The following UGT2B11 variants were observed in gnomAD, a reference collection of about 807,000 sequenced individuals.
UGT2B11 encodes the protein UDP-glucuronosyltransferase 2B11.
UGT2B11 carries 49 observed loss-of-function variants against 51.7 expected under a neutral mutation model. That is an observed-to-expected ratio of 0.95 (90% CI 0.75 to 1.20). The LOEUF is 1.20. Ranked by LOEUF, UGT2B11 falls within the 50% of genes most tolerant of loss-of-function variation. The pLI, the probability that UGT2B11 is intolerant of heterozygous loss-of-function variation, is 0.00. For synonymous variants in UGT2B11, 273 were observed against 209.0 expected (o/e 1.31, Z -2.64); for missense variants, 810 against 622.1 (o/e 1.30, Z -3.21).
chr4:69,201,945 A>T (rs1174231859), intron 5 of UGT2B11, among the ~76,000 whole-genome samples: 1 of 151,800 alleles, frequency 6.6e-6, no homozygotes, highest in Non-Finnish European at 1.5e-5. Context: ...AGCTATCACA[A>T]CCTGCCTACA....
upstream of UGT2B11, chr4:69,214,761 C>T (rs1206589933): frequency 1.3e-6 from 2 of 1,593,240 alleles, no homozygotes; most frequent in African/African-American, 1.4e-5. Context: ...GTCACTGTTT[C>T]TTTCTCATAC....
upstream of UGT2B11, chr4:69,216,737 A>G (rs930546007): frequency 2.6e-5 from 4 of 151,968 alleles, no homozygotes; most frequent in African/African-American, 9.7e-5. Context: ...GAGGTTTTGG[A>G]AAGCAAGTGA....
chr4:69,208,372 G>C lies in UGT2B11; in HGVS notation c.981C>G (p.Ala327=), dbSNP rs1721935547. The change falls in exon 3 of 6, where the codon GCC becomes GCG. Residue 327 remains alanine (A), a synonymous_variant. Coordinates refer to ENST00000446444, the MANE Select transcript of UGT2B11 (RefSeq NM_001073.3). The stretch of plus-strand genomic sequence containing the variant: ...TTACCTTTTGTGGGATCTTGGCAAG[G>C]GCTGTTGCAATTACATTGGCCCTTT... ...TAERANVIAT[A]LAKIPQKVLW... is the part of the protein sequence containing the mutation. The C allele has an allele frequency of 2.5e-6, 4 of 1,610,948 alleles. No individual in the cohort carries two copies. In the African/African-American group the frequency reaches 5.4e-5, roughly 22 times the overall value.
chr4:69,221,904 T>G, the UGT2B11 span, among the ~76,000 whole-genome samples: 122,438 of 152,152 alleles, frequency 0.8, 49,334 homozygotes, highest in Non-Finnish European at 0.82. Flanking sequence ...GGTCCAGAGG[T>G]CCTTCATCCT....
chr4:69,221,141 C>T, the UGT2B11 span, among the ~76,000 whole-genome samples: 11 of 152,110 alleles, frequency 7.2e-5, no homozygotes, highest in Non-Finnish European at 1.6e-4. Flanking sequence ...AGAGAAAGCA[C>T]AGTTCTTTCG....
chr4:69,219,002 A>G (rs991601871), upstream of UGT2B11, among the ~76,000 whole-genome samples: 2 of 152,092 alleles, frequency 1.3e-5, no homozygotes, highest in African/African-American at 4.8e-5. Context: ...CTTTCCCTAG[A>G]AACCGCTCAG....
rs770673374 is a variant in UGT2B11, at chr4:69,204,601, A to T, written c.1139T>A (p.Ile380Asn). 1.1e-5 allele frequency: 18 copies of T among 1,612,060 alleles called. No individual in the cohort carries two copies. Among genetic ancestry groups the T allele is most frequent in the Admixed American group, 1.7e-5 (1 of 59,810 alleles). Residue 380 changes from isoleucine (I) to asparagine (N), a missense_variant, in exon 5 of 6, where the codon ATC (isoleucine) becomes AAC (asparagine). Ile to Asn is a moderately radical substitution (Grantham distance 149, BLOSUM62 -3). Transcript: ENST00000446444. Reference protein sequence around the residue: ...AFITHGGANGIYEAIYHGIPM... With the variant: ...AFITHGGANGNYEAIYHGIPM... The stretch of plus-strand genomic sequence containing the variant: ...GATCCCATGGTAGATTGCCTCATAG[A>T]TGCCATTGGCTCCACCATGAGTTAT...
chr4:69,205,527 C>A lies in UGT2B11; in HGVS notation c.1043G>T (p.Gly348Val), dbSNP rs199897601. 6.8e-6 allele frequency: 11 copies of A among 1,610,544 alleles called. No homozygotes were observed. The highest frequency in any genetic ancestry group is 9.3e-6 in the Non-Finnish European group (11 of 1,177,888). ...RFDGNKPDAL[G>V]LNTRLYKWIP... ...CCACTTGTACAGCCGAGTATTGAGA[C>A]CTAAGGCATCTGGTTTATTCCCGTC... Residue 348 changes from glycine (G) to valine (V), a missense_variant, in exon 4 of 6, where the codon GGT (glycine) becomes GTT (valine). By Grantham distance (109) the Gly-to-Val change is moderately radical (BLOSUM62 -3). Transcript: ENST00000446444.
intron 5 of UGT2B11, among the ~76,000 whole-genome samples, chr4:69,201,703 T>C (rs1156284743): frequency 6.6e-6 from 1 of 151,812 alleles, no homozygotes; most frequent in Non-Finnish European, 1.5e-5. Flanking sequence ...AGAGAGGCTT[T>C]TACTGGACAA....
At chr4:69,205,612 A>G in intron 3 of UGT2B11, 45 bp from the exon 4 acceptor site, 1 of 1,579,170 alleles carries the variant, frequency 6.3e-7, no homozygotes. Flanking sequence ...TGGAACTCAA[A>G]AATTATAGAA....
chr4:69,208,750 T>C (rs1056110256), intron 2 of UGT2B11, among the ~76,000 whole-genome samples: 2 of 151,636 alleles, frequency 1.3e-5, no homozygotes, highest in African/African-American at 4.8e-5. Flanking sequence ...AGCTATTACA[T>C]TGTAGTCAGG....
At chr4:69,223,249 T>C in the UGT2B11 span, among the ~76,000 whole-genome samples, 1 of 152,194 alleles carries the variant, frequency 6.6e-6, no homozygotes, top group Non-Finnish European at 1.5e-5. Flanking sequence ...GTCTCAGTTA[T>C]TCAGGATATA....
rs1722110505 is a variant in UGT2B11 at position 69,212,568 on chromosome 4, T to C, written c.870+5A>G. On this transcript the variant is annotated splice_donor_5th_base_variant and intron_variant, in intron 2 of 5. Transcript: ENST00000446444. ...ACAAAATAAAACCAACAAAAGTATGTTTACCTTAGGTAGGGGTTTGGCAGG... is the reference window on the plus strand; with the variant it reads ...ACAAAATAAAACCAACAAAAGTATGCTTACCTTAGGTAGGGGTTTGGCAGG... 6.2e-7 allele frequency: 1 copy of C among 1,604,210 alleles called. No homozygotes were observed. Among genetic ancestry groups the C allele is most frequent in the Admixed American group, 1.7e-5 (1 of 58,426 alleles).
Position 69,212,702 on chromosome 4 carries a change from A to C in UGT2B11, c.741T>G (p.Phe247Leu). 6.2e-7 allele frequency: 1 copy of C among 1,609,046 alleles called. No individual in the cohort carries two copies. The highest frequency in any genetic ancestry group is 8.5e-7 in the Non-Finnish European group (1 of 1,177,386). Residue 247 changes from phenylalanine to leucine, a missense_variant, in exon 2 of 6, where the codon TTT (phenylalanine) becomes TTG (leucine). Physicochemically the swap from Phe to Leu is conservative, Grantham distance 22. Coordinates refer to ENST00000446444, the MANE Select transcript of UGT2B11 (RefSeq NM_001073.3). ...ATATGTCAGCTTTTCCCATTGTCTC[A>C]AATAAGGTAGTGGGTCTTCCTGACA... The part of the protein sequence containing the change: ...SEVLGRPTTL[F>L]ETMGKADIWL...
At chr4:69,205,772 G>C (rs1577961386) in intron 3 of UGT2B11, 1 of 531,270 alleles carries the variant, frequency 1.9e-6, no homozygotes, top group South Asian at 4.7e-5. Context: ...TTCCAAAACA[G>C]TACCATAGAA....
chr4:69,223,206 C>T, the UGT2B11 span, among the ~76,000 whole-genome samples: 1 of 152,114 alleles, frequency 6.6e-6, no homozygotes, highest in African/African-American at 2.4e-5. Context: ...AGACAATCAG[C>T]CACTTCTTTT....
the UGT2B11 span, among the ~76,000 whole-genome samples, chr4:69,219,759 A>G: frequency 6.6e-6 from 1 of 152,160 alleles, no homozygotes; most frequent in African/African-American, 2.4e-5. Flanking sequence ...ATGCGCTACA[A>G]TGATTCAATT....
At chr4:69,215,978 A>G (rs578105557), upstream of UGT2B11, 27 of 152,176 alleles carry the variant, frequency 1.8e-4, no homozygotes, top group Non-Finnish European at 3.1e-4. Context: ...CAAAATGAAG[A>G]AAATGCAACA....
chr4:69,200,566 G>C lies in UGT2B11; in HGVS notation c.1464C>G (p.Tyr488Ter). ...GAAACCCAATCACATCCAAAGAGTGGTACTGGAACCAGGTGAGGTCATGGG... is the reference window on the plus strand; with the variant it reads ...GAAACCCAATCACATCCAAAGAGTGCTACTGGAACCAGGTGAGGTCATGGG... ...VAAHDLTWFQ[Y>*]HSLDVIGFLL... Residue 488 changes from tyrosine (Y) to a stop codon, truncating the protein, a stop_gained, in exon 6 of 6, where the codon TAC becomes TAG. Transcript: ENST00000446444. LOFTEE classifies it high-confidence loss of function. The C allele has an allele frequency of 1.9e-6, 3 of 1,612,362 alleles. No individual in the cohort carries two copies. Among genetic ancestry groups the C allele is most frequent in the Non-Finnish European group, 2.5e-6 (3 of 1,178,990 alleles).
Sources: allele counts gnomAD v4.1 joint callset (sites outside exome capture counted in the v4.1 genomes callset), GRCh38; gene constraint gnomAD v4.1.1; transcripts MANE v1.5; gene names NCBI Gene and HGNC (gene_info 2026-07-23, HGNC 2026-07-21).